OXCT1: variants seen among roughly 807,000 people sequenced by gnomAD.
OXCT1 encodes succinyl-CoA:3-ketoacid coenzyme A transferase 1, mitochondrial.
OXCT1 carries 27 observed loss-of-function variants against 69.6 expected under a neutral mutation model. That is an observed-to-expected ratio of 0.39 (90% CI 0.29 to 0.54). The LOEUF is 0.54. Ranked by LOEUF, OXCT1 falls within the 20% of genes least tolerant of loss-of-function variation. The pLI is 0.72. For synonymous variants in OXCT1, 202 were observed against 217.8 expected, an observed-to-expected ratio of 0.93 and a Z score of 0.64; for missense variants, 437 against 650.2, an observed-to-expected ratio of 0.67 and a Z score of 3.57.
intron 13 of OXCT1, among the ~76,000 whole-genome samples, chr5:41,772,421 A>G (rs1413526602): frequency 1.3e-5 from 2 of 152,150 alleles, no homozygotes; most frequent in Non-Finnish European, 2.9e-5. Context: ...AATCATTACC[A>G]GTGTTTTTTT....
At chr5:41,767,852 GTCCTGGTTCC>G (rs1293408304) in intron 13 of OXCT1, among the ~76,000 whole-genome samples, 1 of 149,740 alleles carries the variant, frequency 6.7e-6, no homozygotes, top group Non-Finnish European at 1.5e-5. Context: ...GGCTTCTATG[GTCCTGGTTCC>G]TCCTACTGCT....
At position 41,824,083 on chromosome 5, in the gene OXCT1, T is replaced by C. The variant is rs977750608; in HGVS notation, c.732+16368A>G. On this transcript the variant is annotated intron_variant, in intron 7 of 16. Coordinates refer to ENST00000196371, the MANE Select transcript of OXCT1 (RefSeq NM_000436.4). The stretch of plus-strand genomic sequence containing the variant: ...GCATAATGTAAAATGCACCTCAAAA[T>C]ATACCAACCGTCATTTGTTTTTGCT... 9.2e-5 allele frequency among the ~76,000 whole-genome samples: 14 copies of C among 152,288 alleles called. No individual in the cohort carries two copies. In the East Asian group the frequency reaches 9.6e-4, roughly 10 times the overall value.
chr5:41,806,726 T>C (rs576195997), intron 8 of OXCT1, among the ~76,000 whole-genome samples: 2 of 152,216 alleles, frequency 1.3e-5, no homozygotes, highest in South Asian at 4.1e-4. Context: ...GCTTCACGTA[T>C]AGCCCACAGA....
chr5:41,863,886 C>T (rs1051258502), intron 1 of OXCT1, among the ~76,000 whole-genome samples: 2 of 152,192 alleles, frequency 1.3e-5, no homozygotes, highest in South Asian at 4.1e-4. Flanking sequence ...CACATACCTA[C>T]AGAGTTGGGC....
chr5:41,739,856 G>C, intron 15 of OXCT1: 2 of 165,248 alleles, frequency 1.2e-5, no homozygotes, highest in South Asian at 1.5e-4. Context: ...GGACGACAGA[G>C]CCAGACTCTG....
At chr5:41,756,847 A>G (rs1366164148) in intron 14 of OXCT1, among the ~76,000 whole-genome samples, 2 of 152,128 alleles carry the variant, frequency 1.3e-5, no homozygotes, top group African/African-American at 4.8e-5. Flanking sequence ...TATTCTAGGC[A>G]TAAAGAATAA....
chr5:41,737,875 G>A (rs1476610070), intron 16 of OXCT1, among the ~76,000 whole-genome samples: 1 of 152,216 alleles, frequency 6.6e-6, no homozygotes, highest in Non-Finnish European at 1.5e-5. Flanking sequence ...CTAGCACGGT[G>A]AAACCCCATC....
intron 13 of OXCT1, among the ~76,000 whole-genome samples, chr5:41,782,520 T>A (rs1745458463): frequency 6.6e-6 from 1 of 152,212 alleles, no homozygotes; most frequent in Non-Finnish European, 1.5e-5. Context: ...GGAGCTTTTT[T>A]TCCTATTTCT....
At chr5:41,736,152 G>A (rs1279764127) in intron 16 of OXCT1, among the ~76,000 whole-genome samples, 2 of 152,224 alleles carry the variant, frequency 1.3e-5, no homozygotes, top group Middle Eastern at 3.2e-3. Flanking sequence ...TATCGTCATA[G>A]CATCTACATT....
In OXCT1 at chr5:41,861,331, T is replaced by A. The variant is rs1315673058; in HGVS notation, c.261A>T (p.Ala87=). The A allele has an allele frequency of 4.4e-6, 7 of 1,606,092 alleles. No individual in the cohort carries two copies. Among genetic ancestry groups the A allele is most frequent in the Admixed American group, 1.7e-5 (1 of 59,996 alleles). Residue 87 remains alanine, a synonymous_variant, in exon 3 of 17, where the codon GCA becomes GCT. Coordinates refer to ENST00000196371, the MANE Select transcript of OXCT1 (RefSeq NM_000436.4). Reference sequence around the variant, plus strand: ...ACACTTACCCTGCATTGTTGCTGACTGCAGTTAGTCCTTTTACTCCAGTTT... The same window carrying A: ...ACACTTACCCTGCATTGTTGCTGACAGCAGTTAGTCCTTTTACTCCAGTTT... ...LLKTGVKGLT[A]VSNNAGVDNF...
At chr5:41,789,558 T>C (rs567209804) in intron 13 of OXCT1, among the ~76,000 whole-genome samples, 134 of 152,336 alleles carry the variant, frequency 8.8e-4, no homozygotes, top group African/African-American at 3.0e-3. Context: ...ATATACTACA[T>C]GATCAATAAG....
chr5:41,732,780 G>C (rs1432562003), intron 16 of OXCT1, among the ~76,000 whole-genome samples: 1 of 152,164 alleles, frequency 6.6e-6, no homozygotes, highest in Non-Finnish European at 1.5e-5. Context: ...GTTCCTAATA[G>C]AGGTTAAATC....
chr5:41,794,978 T>G (rs1057132725), intron 11 of OXCT1, among the ~76,000 whole-genome samples: 8 of 152,202 alleles, frequency 5.3e-5, no homozygotes, highest in Non-Finnish European at 1.0e-4. Context: ...GCAGACCACT[T>G]TTAGTTTTCT....
chr5:41,745,870 T>G (rs1020151134), intron 15 of OXCT1, among the ~76,000 whole-genome samples: 2 of 152,134 alleles, frequency 1.3e-5, no homozygotes, highest in African/African-American at 4.8e-5. Context: ...AATCTCTGAA[T>G]AGACCAATAA....
At chr5:41,846,308 A>T (rs1187034411) in intron 5 of OXCT1, among the ~76,000 whole-genome samples, 1 of 121,464 alleles carries the variant, frequency 8.2e-6, no homozygotes, top group East Asian at 2.6e-4. Flanking sequence ...CAGTCCCCAG[A>T]GTGTGATGTT....
At chr5:41,846,278 C>T (rs1748901179) in intron 5 of OXCT1, among the ~76,000 whole-genome samples, 1 of 113,728 alleles carries the variant, frequency 8.8e-6, no homozygotes, top group Non-Finnish European at 1.7e-5. Context: ...CTATCCCTCC[C>T]CCCTCCCCCC....
At chr5:41,776,578 A>C (rs1745132367) in intron 13 of OXCT1, among the ~76,000 whole-genome samples, 1 of 152,242 alleles carries the variant, frequency 6.6e-6, no homozygotes, top group African/African-American at 2.4e-5. Flanking sequence ...CTGACTCAGA[A>C]AACAAGTGAA....
At chr5:41,838,347 C>T (rs1263497498) in intron 7 of OXCT1, among the ~76,000 whole-genome samples, 1 of 152,134 alleles carries the variant, frequency 6.6e-6, no homozygotes, top group Non-Finnish European at 1.5e-5. Context: ...TCTTACAATT[C>T]AATCTATGGT....
At chr5:41,741,710 C>T (rs539793089) in intron 15 of OXCT1, among the ~76,000 whole-genome samples, 2 of 152,256 alleles carry the variant, frequency 1.3e-5, no homozygotes, top group South Asian at 4.1e-4. Flanking sequence ...CTGAAGAATT[C>T]ACAGATAACC....
Sources: gnomAD v4.1 joint callset for allele counts (sites outside exome capture counted in the v4.1 genomes callset) on GRCh38, gnomAD v4.1.1 for gene constraint, MANE v1.5 for transcripts, NCBI Gene and HGNC (gene_info 2026-07-23, HGNC 2026-07-21) for gene names.